The following FBXL7 variants were observed in gnomAD, a reference collection of about 807,000 sequenced individuals.
The protein encoded by FBXL7 is F-box and leucine rich repeat protein 7, also known as F-box/LRR-repeat protein 7.
A neutral mutation model predicts 38.3 loss-of-function variants in FBXL7; 12 were observed. The observed-to-expected ratio is 0.31, with a 90% CI of 0.20 to 0.51. The LOEUF is 0.51. FBXL7 is among the 20% of genes least tolerant of loss of function. The pLI is 0.98. For synonymous variants in FBXL7, 297 were observed against 300.9 expected (o/e 0.99, Z 0.13); for missense variants, 567 against 676.4 (o/e 0.84, Z 1.79).
intron 2 of FBXL7, among the ~76,000 whole-genome samples, chr5:15,835,079 A>G (rs1331307072): frequency 6.6e-6 from 1 of 152,212 alleles, no homozygotes; most frequent in Non-Finnish European, 1.5e-5. Flanking sequence ...ATGACTTATC[A>G]GGGATATACA....
intron 1 of FBXL7, among the ~76,000 whole-genome samples, chr5:15,518,730 G>T (rs1157704755): frequency 6.6e-6 from 1 of 152,292 alleles, no homozygotes; most frequent in South Asian, 2.1e-4. Context: ...TAAGTTGGTT[G>T]TTGAGGCCGG....
chr5:15,643,647 G>A (rs113018619), intron 2 of FBXL7, among the ~76,000 whole-genome samples: 27 of 152,320 alleles, frequency 1.8e-4, no homozygotes, highest in African/African-American at 6.0e-4. Flanking sequence ...AAGAATTGAA[G>A]GCTGTGCTCA....
chr5:15,505,403 C>A (rs1258039746), intron 1 of FBXL7, among the ~76,000 whole-genome samples: 1 of 152,160 alleles, frequency 6.6e-6, no homozygotes, highest in East Asian at 1.9e-4. Context: ...ATTATTCATT[C>A]ATTCAACTTA....
intron 2 of FBXL7, among the ~76,000 whole-genome samples, chr5:15,806,766 G>C (rs373140752): frequency 8.0e-4 from 122 of 152,262 alleles, no homozygotes; most frequent in Admixed American, 2.7e-3. Flanking sequence ...CCCACGTATA[G>C]CTAGAAGTAC....
intron 1 of FBXL7, among the ~76,000 whole-genome samples, chr5:15,559,063 A>C (rs531257727): frequency 6.6e-6 from 1 of 152,194 alleles, no homozygotes; most frequent in African/African-American, 2.4e-5. Flanking sequence ...TATTACTGCT[A>C]ACAGTAGTAG....
chr5:15,739,861 C>G (rs1173806611), intron 2 of FBXL7, among the ~76,000 whole-genome samples: 5 of 151,960 alleles, frequency 3.3e-5, no homozygotes, highest in African/African-American at 1.2e-4. Flanking sequence ...TTTGTGTGCA[C>G]CTATGTTTTC....
intron 1 of FBXL7, among the ~76,000 whole-genome samples, chr5:15,562,834 T>A (rs187998772): frequency 3.9e-5 from 6 of 152,252 alleles, no homozygotes; most frequent in Non-Finnish European, 5.9e-5. Context: ...AAGGTGAAAA[T>A]CCCTGCCTTA....
intron 1 of FBXL7, among the ~76,000 whole-genome samples, chr5:15,540,130 C>T (rs1045520667): frequency 1.3e-5 from 2 of 152,136 alleles, no homozygotes; most frequent in Non-Finnish European, 2.9e-5. Context: ...TGCAAAAGCT[C>T]ATGAGTCAGG....
intron 2 of FBXL7, among the ~76,000 whole-genome samples, chr5:15,675,348 G>A (rs1037471451): frequency 1.3e-5 from 2 of 152,130 alleles, no homozygotes; most frequent in Admixed American, 1.3e-4. Context: ...AATAATGGAA[G>A]GTGTACAACT....
At chr5:15,511,783 C>A (rs952725925) in intron 1 of FBXL7, among the ~76,000 whole-genome samples, 1 of 152,086 alleles carries the variant, frequency 6.6e-6, no homozygotes, top group Non-Finnish European at 1.5e-5. Context: ...CTGCAAAGAA[C>A]AATGGGGATC....
At chr5:15,855,110 C>G (rs1739217253) in intron 2 of FBXL7, among the ~76,000 whole-genome samples, 1 of 152,086 alleles carries the variant, frequency 6.6e-6, no homozygotes, top group Non-Finnish European at 1.5e-5. Flanking sequence ...GTTTGCCCTG[C>G]TAATTTTCAT....
chr5:15,544,461 A>C (rs565087017), intron 1 of FBXL7, among the ~76,000 whole-genome samples: 1 of 152,252 alleles, frequency 6.6e-6, no homozygotes, highest in African/African-American at 2.4e-5. Flanking sequence ...TTTGACAATT[A>C]CTGTTTTTCT....
At chr5:15,858,095 T>A (rs1213001023) in intron 2 of FBXL7, among the ~76,000 whole-genome samples, 4 of 152,030 alleles carry the variant, frequency 2.6e-5, no homozygotes, top group Admixed American at 2.0e-4. Flanking sequence ...ATTCCTTTTT[T>A]TCTTATTCAC....
chr5:15,866,376 C>T (rs1386587128), intron 2 of FBXL7, among the ~76,000 whole-genome samples: 4 of 152,140 alleles, frequency 2.6e-5, no homozygotes, highest in African/African-American at 9.7e-5. Context: ...TGTGCATTAT[C>T]AGAGAAAACC....
intron 2 of FBXL7, among the ~76,000 whole-genome samples, chr5:15,745,407 A>G (rs909723633): frequency 1.3e-5 from 2 of 152,234 alleles, no homozygotes; most frequent in South Asian, 4.1e-4. Context: ...AGAAAATCAG[A>G]TAACAGGTTA....
At chr5:15,550,790 G>A (rs1451269719) in intron 1 of FBXL7, among the ~76,000 whole-genome samples, 6 of 152,302 alleles carry the variant, frequency 3.9e-5, no homozygotes, top group African/African-American at 1.2e-4. Flanking sequence ...CTGCCCAAAG[G>A]TAATGAGACC....
At chr5:15,840,690 T>C (rs1286409193) in intron 2 of FBXL7, among the ~76,000 whole-genome samples, 2 of 151,802 alleles carry the variant, frequency 1.3e-5, no homozygotes, top group Admixed American at 1.3e-4. Context: ...CTACTAAAAA[T>C]ACAAAAATTA....
intron 1 of FBXL7, among the ~76,000 whole-genome samples, chr5:15,595,742 A>G (rs1739608514): frequency 6.6e-6 from 1 of 152,208 alleles, no homozygotes; most frequent in African/African-American, 2.4e-5. Flanking sequence ...AAAAAGATGT[A>G]AATCGAAGTG....
chr5:15,830,994 A>G (rs1738443194), intron 2 of FBXL7, among the ~76,000 whole-genome samples: 1 of 152,096 alleles, frequency 6.6e-6, no homozygotes, highest in Admixed American at 6.5e-5. Flanking sequence ...TCAGTCCTGG[A>G]GTCTAGTTCT....
Sources: gnomAD v4.1 joint callset for allele counts (sites outside exome capture counted in the v4.1 genomes callset) on GRCh38, gnomAD v4.1.1 for gene constraint, MANE v1.5 for transcripts, NCBI Gene and HGNC (gene_info 2026-07-23, HGNC 2026-07-21) for gene names.